MICAL2: variants seen among roughly 807,000 people sequenced by gnomAD.
The protein encoded by MICAL2 is [F-actin]-monooxygenase MICAL2.
MICAL2 carries 77 observed loss-of-function variants against 127.3 expected under a neutral mutation model. The observed-to-expected ratio is 0.60, with a 90% CI of 0.50 to 0.73. MICAL2 has a LOEUF of 0.73. Among genes scored for constraint, MICAL2 ranks in the 30% least tolerant of loss-of-function variants. The probability of loss-of-function intolerance (pLI) is 0.00; values close to 1 mark genes in which losing one functional copy is unlikely to be tolerated. For missense variants in MICAL2, 1,351 were observed against 1,434.4 expected (o/e 0.94, Z 0.94); for synonymous variants, 570 against 551.1 (o/e 1.03, Z -0.48).
intron 4 of MICAL2, 96 bp from the exon 5 acceptor site, chr11:12,207,927 C>G: frequency 1.1e-6 from 1 of 933,846 alleles, no homozygotes; most frequent in Admixed American, 1.7e-5. Context: ...CTGCTGTGCT[C>G]AAAGGTCACT....
rs1031987563 is a variant in MICAL2, at chr11:12,244,010, G to C, written c.2682G>C (p.Leu894=). 2 of 1,613,804 alleles carry C rather than the reference G, an allele frequency of 1.2e-6. No homozygotes were observed. Among genetic ancestry groups the C allele is most frequent in the African/African-American group, 1.3e-5 (1 of 74,906 alleles). The stretch of plus-strand genomic sequence containing the variant: ...AGAATAAACTACTCTCTAAAGGCCT[G>C]TCTCATACTCATCCTCCATCTCCTC... ...FPQNKLLSKG[L]SHTHPPSPPS... Residue 894 remains leucine (L), a synonymous_variant, in exon 21 of 28, where the codon CTG becomes CTC. Transcript: ENST00000683283.
intron 10 of MICAL2, among the ~76,000 whole-genome samples, 174 bp downstream of exon 10, chr11:12,221,933 T>C (rs1856860415): frequency 6.6e-6 from 1 of 152,172 alleles, no homozygotes; most frequent in Non-Finnish European, 1.5e-5. Context: ...GCTTTCTCCA[T>C]CATTATCTGA....
chr11:12,261,485 A>G (rs753961060), intron 26 of MICAL2: 5 of 985,528 alleles, frequency 5.1e-6, no homozygotes, highest in Non-Finnish European at 6.0e-6. Context: ...AGACATACAC[A>G]GCTGCAGGGT....
chr11:12,217,496 G>A (rs754818236), intron 8 of MICAL2, among the ~76,000 whole-genome samples: 1 of 152,176 alleles, frequency 6.6e-6, no homozygotes, highest in Non-Finnish European at 1.5e-5. Context: ...CAGTCTGGGA[G>A]TGGTGGCGTC....
intron 3 of MICAL2, among the ~76,000 whole-genome samples, chr11:12,186,696 C>T (rs1026228068): frequency 5.9e-5 from 9 of 152,278 alleles, no homozygotes; most frequent in East Asian, 1.9e-4. Flanking sequence ...TTGCCTCTTA[C>T]GGGCTCAAGA....
At chr11:12,306,140 G>A (rs1163549726) in intron 29 of MICAL2, among the ~76,000 whole-genome samples, 1 of 152,310 alleles carries the variant, frequency 6.6e-6, no homozygotes, top group African/African-American at 2.4e-5. Context: ...TGTAATAGGA[G>A]TTAGATGAAG....
In MICAL2 at chr11:12,149,327, T is replaced by C. The variant is rs546948408; in HGVS notation, c.-78+10867T>C. On this transcript the variant is annotated intron_variant, in intron 2 of 27. Transcript: ENST00000683283. ...TAGTTTTTGTTTTGCTCCATTAAGA[T>C]GTTTGGACTTCACCCTGCAGATTGT... Among the ~76,000 whole-genome samples, 77 of 152,284 alleles carry C rather than the reference T, an allele frequency of 5.1e-4. 1 individual carries two copies. The highest frequency in any genetic ancestry group is 1.8e-3 in the African/African-American group (75 of 41,570).
intron 3 of MICAL2, among the ~76,000 whole-genome samples, chr11:12,172,716 A>G (rs563316513): frequency 9.9e-5 from 15 of 152,114 alleles, no homozygotes; most frequent in Non-Finnish European, 2.2e-4. Context: ...AAACTGAGAG[A>G]GGCTCCTATT....
intron 3 of MICAL2, among the ~76,000 whole-genome samples, chr11:12,181,208 C>T (rs1250544775): frequency 2.0e-5 from 3 of 152,098 alleles, no homozygotes; most frequent in South Asian, 2.1e-4. Flanking sequence ...CCTCCCAAAG[C>T]GCTAGGATTA....
At chr11:12,176,734 T>C (rs1317595909) in intron 3 of MICAL2, among the ~76,000 whole-genome samples, 1 of 152,228 alleles carries the variant, frequency 6.6e-6, no homozygotes, top group East Asian at 1.9e-4. Flanking sequence ...ATAGTATTTG[T>C]CCTTTTGTGA....
intron 1 of MICAL2, among the ~76,000 whole-genome samples, chr11:12,129,628 T>C (rs1268180084): frequency 2.1e-5 from 2 of 95,498 alleles, no homozygotes; most frequent in African/African-American, 8.8e-5. Flanking sequence ...CTGTTTCTTC[T>C]TCTTCTTCTT....
In MICAL2 at chr11:12,195,937, C is replaced by T. The variant is rs144357634; in HGVS notation, c.265-8313C>T. 584 of 152,986 alleles carry T rather than the reference C, an allele frequency of 3.8e-3. 7 individuals carry two copies. The highest frequency in any genetic ancestry group is 6.0e-3 in the Non-Finnish European group (406 of 68,068). 9.5% of individuals were successfully genotyped at this position (152,986 alleles called of 1,614,324 possible). On this transcript the variant is annotated intron_variant, in intron 3 of 27. Coordinates refer to ENST00000683283, the MANE Select transcript of MICAL2 (RefSeq NM_001282663.2). ...ATCCTGTGATTCTGACTTCTGAGTG[C>T]CACAGGCAGACATGAAACGATGTGA...
At chr11:12,204,937 A>G (rs997800178) in intron 4 of MICAL2, among the ~76,000 whole-genome samples, 1 of 152,214 alleles carries the variant, frequency 6.6e-6, no homozygotes, top group African/African-American at 2.4e-5. Flanking sequence ...AAGACCTTCC[A>G]TACAAAGGAG....
At chr11:12,332,634 G>GTTGCCCC (rs146001388) in intron 32 of MICAL2, among the ~76,000 whole-genome samples, 2,257 of 152,252 alleles carry the variant, frequency 0.015, 27 homozygotes, top group South Asian at 0.025. Context: ...GGTAGCCCAA[G>GTTGCCCC]TTGCCCTGTT....
intron 3 of MICAL2, among the ~76,000 whole-genome samples, chr11:12,187,479 C>T (rs75144158): frequency 0.011 from 1,749 of 152,338 alleles, 23 homozygotes; most frequent in East Asian, 0.054. Flanking sequence ...GGACTGAATG[C>T]GTCCAGACAG....
chr11:12,173,019 T>C (rs1403267336), intron 3 of MICAL2, among the ~76,000 whole-genome samples: 1 of 152,080 alleles, frequency 6.6e-6, no homozygotes, highest in East Asian at 1.9e-4. Flanking sequence ...GTTGTAAATA[T>C]AGTATATACA....
chr11:12,155,501 T>C (rs1321186289), intron 2 of MICAL2, among the ~76,000 whole-genome samples: 1 of 151,998 alleles, frequency 6.6e-6, no homozygotes, highest in African/African-American at 2.4e-5. Flanking sequence ...CATACACACG[T>C]ACACATACGC....
At chr11:12,150,543 C>G (rs562522618) in intron 2 of MICAL2, among the ~76,000 whole-genome samples, 1 of 152,152 alleles carries the variant, frequency 6.6e-6, no homozygotes, top group African/African-American at 2.4e-5. Flanking sequence ...GCTCTGCAGT[C>G]GTCCTGGGCT....
intron 15 of MICAL2, 28 bp downstream of exon 15, chr11:12,227,159 T>C (rs936131880): frequency 6.7e-7 from 1 of 1,496,336 alleles, no homozygotes; most frequent in Non-Finnish European, 9.3e-7. Flanking sequence ...TTCGGTTTTA[T>C]TTCCCATTGC....
Sources: allele counts gnomAD v4.1 joint callset (sites outside exome capture counted in the v4.1 genomes callset), GRCh38; gene constraint gnomAD v4.1.1; transcripts MANE v1.5; gene names NCBI Gene and HGNC (gene_info 2026-07-23, HGNC 2026-07-21).